TNFRSF8: variants seen among roughly 807,000 people sequenced by gnomAD.
TNFRSF8 encodes the protein TNF receptor superfamily member 8.
TNFRSF8 carries 26 observed loss-of-function variants against 70.8 expected under a neutral mutation model. That is an observed-to-expected ratio of 0.37 (90% CI 0.27 to 0.51). TNFRSF8 has a LOEUF of 0.51. Among genes scored for constraint, TNFRSF8 ranks in the 20% least tolerant of loss-of-function variants. The pLI is 0.94. For missense variants in TNFRSF8, 720 were observed against 807.9 expected (o/e 0.89, Z 1.32); for synonymous variants, 356 against 339.2 (o/e 1.05, Z -0.54).
Position 12,142,339 on chromosome 1 carries a change from T to C in TNFRSF8, c.1596T>C (p.Ala532=). Residue 532 remains alanine, a synonymous_variant, in exon 15 of 15, where the codon GCT becomes GCC. Coordinates refer to ENST00000263932, the MANE Select transcript of TNFRSF8 (RefSeq NM_001243.5). The surrounding 1 kb of genome is among the most constrained non-coding windows in gnomAD (Gnocchi z 5.0). Reference sequence around the variant, plus strand: ...CCGTGATCGTGGGGACCGTGAAGGCTGAGCTGCCGGAGGGCCGGGGCCTGG... The same window carrying C: ...CCGTGATCGTGGGGACCGTGAAGGCCGAGCTGCCGGAGGGCCGGGGCCTGG... The part of the protein sequence containing the change: ...ADTVIVGTVK[A]ELPEGRGLAG... The C allele has an allele frequency of 6.2e-7, 1 of 1,606,786 alleles. No homozygotes were observed. Among genetic ancestry groups the C allele is most frequent in the Non-Finnish European group, 8.5e-7 (1 of 1,176,782 alleles).
intron 8 of TNFRSF8, among the ~76,000 whole-genome samples, chr1:12,122,310 C>T (rs951318306): frequency 2.0e-5 from 3 of 151,808 alleles, no homozygotes; most frequent in African/African-American, 4.8e-5. Context: ...GGATTACAGG[C>T]GGGAGCCACC....
intron 4 of TNFRSF8, among the ~76,000 whole-genome samples, chr1:12,106,096 G>A (rs1017200807): frequency 3.3e-5 from 5 of 152,052 alleles, no homozygotes; most frequent in African/African-American, 9.7e-5. Context: ...TTCTTGGCGG[G>A]AGGATGAGGG....
At chr1:12,070,914 G>A (rs547346086) in intron 1 of TNFRSF8, among the ~76,000 whole-genome samples, 2 of 152,294 alleles carry the variant, frequency 1.3e-5, no homozygotes. Flanking sequence ...AGAGTCAACT[G>A]TAGAAGTCCT....
chr1:12,077,275 A>G (rs1640982205), intron 1 of TNFRSF8, among the ~76,000 whole-genome samples: 1 of 152,226 alleles, frequency 6.6e-6, no homozygotes. Context: ...ATCTTGAGAC[A>G]GGAAGATGAT....
chr1:12,129,613 T>C (rs868349701), intron 12 of TNFRSF8, among the ~76,000 whole-genome samples: 14 of 152,308 alleles, frequency 9.2e-5, no homozygotes, highest in Middle Eastern at 6.8e-3. Context: ...TCATGGATGC[T>C]CCTTGCTTTG....
Position 12,135,591 on chromosome 1 carries a change from C to G in TNFRSF8, c.1313C>G (p.Ser438Cys), listed in dbSNP as rs1204378681. Residue 438 changes from serine (S) to cysteine (C), a missense_variant, in exon 13 of 15, where the codon TCC becomes TGC. Ser to Cys is a moderately radical substitution (Grantham distance 112). Coordinates refer to ENST00000263932, the MANE Select transcript of TNFRSF8 (RefSeq NM_001243.5). ...TSQPKLELVD[S>C]RPRRSSTQLR... Reference sequence around the variant, plus strand: ...TTGCTGCTCTTGCTTTTTGCAGATTCCAGACCCAGGAGGAGCTCAACGGTA... The same window carrying G: ...TTGCTGCTCTTGCTTTTTGCAGATTGCAGACCCAGGAGGAGCTCAACGGTA... 1 of 1,614,100 alleles carries G rather than the reference C, an allele frequency of 6.2e-7. No homozygotes were observed. The highest frequency in any genetic ancestry group is 1.1e-5 in the South Asian group (1 of 91,076).
At position 12,123,764 on chromosome 1, in the gene TNFRSF8, C is replaced by T; in HGVS notation, c.1090C>T (p.Leu364=). Reference sequence around the variant, plus strand: ...GGTGGACTCCCAGGCCAGTAAGACGCTGCCCATCCCAACCAGCGCTCCCGT... The same window carrying T: ...GGTGGACTCCCAGGCCAGTAAGACGTTGCCCATCCCAACCAGCGCTCCCGT... ...LLVDSQASKT[L]PIPTSAPVAL... The change falls in exon 10 of 15, where the codon CTG becomes TTG. Residue 364 remains leucine (L), a synonymous_variant. Coordinates refer to ENST00000263932, the MANE Select transcript of TNFRSF8 (RefSeq NM_001243.5). The T allele has an allele frequency of 6.3e-7, 1 of 1,580,476 alleles. No individual in the cohort carries two copies. Among genetic ancestry groups the T allele is most frequent in the Non-Finnish European group, 8.6e-7 (1 of 1,162,738 alleles).
chr1:12,138,692 C>T lies in TNFRSF8; in HGVS notation c.1543+256C>T, dbSNP rs904204099. On this transcript the variant is annotated intron_variant, in intron 14 of 14. Transcript: ENST00000263932. The surrounding 1 kb of genome is among the most constrained non-coding windows in gnomAD (Gnocchi z 5.7). ...GTTACTCATAAAAAACGAACACCAC[C>T]CCAGCCCCCAACACCGAGCACCCGA... 9.9e-5 allele frequency among the ~76,000 whole-genome samples: 15 copies of T among 152,186 alleles called. No homozygotes were observed. The highest frequency in any genetic ancestry group is 2.9e-4 in the African/African-American group (12 of 41,434).
chr1:12,128,403 C>A (rs903499810), intron 12 of TNFRSF8, among the ~76,000 whole-genome samples: 1 of 152,220 alleles, frequency 6.6e-6, no homozygotes, highest in African/African-American at 2.4e-5. Context: ...GAGAGGCCCA[C>A]CAACCAGCCC....
chr1:12,101,650 T>C (rs1641425350), intron 3 of TNFRSF8, among the ~76,000 whole-genome samples: 1 of 151,600 alleles, frequency 6.6e-6, no homozygotes, highest in Non-Finnish European at 1.5e-5. Context: ...CACTAGGCAA[T>C]AGGAATTTTT....
At chr1:12,099,989 C>T (rs201045229) in intron 3 of TNFRSF8, among the ~76,000 whole-genome samples, 5 of 151,728 alleles carry the variant, frequency 3.3e-5, no homozygotes, top group African/African-American at 9.7e-5. Context: ...GCTAACATGG[C>T]GAAACCCCAT....
chr1:12,094,342 G>A (rs184166854), intron 2 of TNFRSF8, among the ~76,000 whole-genome samples: 319 of 152,266 alleles, frequency 2.1e-3, no homozygotes, highest in Admixed American at 3.3e-3. Flanking sequence ...AGGAGCATTC[G>A]GGGCAGAGGA....
chr1:12,122,677 C>G lies in TNFRSF8; in HGVS notation c.947-607C>G, dbSNP rs182274712. Among the ~76,000 whole-genome samples, 298 of 151,812 alleles carry G rather than the reference C, an allele frequency of 2.0e-3. 1 individual carries two copies. The highest frequency in any genetic ancestry group is 7.9e-4 in the Non-Finnish European group (54 of 67,934). ...ATTAAACATAAATAAATAAATAATT[C>G]CTTAATAAAGTTGATTTAAAAGAAA... On this transcript the variant is annotated intron_variant, in intron 8 of 14. Coordinates refer to ENST00000263932, the MANE Select transcript of TNFRSF8 (RefSeq NM_001243.5).
At position 12,142,678 on chromosome 1, in the gene TNFRSF8, G is replaced by GAGACCACCAGACCCCT; in HGVS notation, c.*147_*148insAGACCACCAGACCCCT. The GAGACCACCAGACCCCT allele has an allele frequency of 9.1e-7, 1 of 1,099,806 alleles. No homozygotes were observed. The highest frequency in any genetic ancestry group is 1.3e-6 in the Non-Finnish European group (1 of 791,676). 68.1% of individuals were successfully genotyped at this position (1,099,806 alleles called of 1,614,324 possible). A position where few individuals can be genotyped will look rare whatever the true frequency, so the allele number is the denominator to read the frequency against. On this transcript the variant is annotated 3_prime_UTR_variant, in exon 15 of 15. Transcript: ENST00000263932. The surrounding 1 kb of genome is among the most constrained non-coding windows in gnomAD (Gnocchi z 5.0). ...AGTGGTGGACCGGCCGGTCACTGCA[G>GAGACCACCAGACCCCT]GGGTCTGGTGGTCTCTGCTTGCATC...
intron 1 of TNFRSF8, among the ~76,000 whole-genome samples, chr1:12,081,776 G>A (rs1641067208): frequency 6.6e-6 from 1 of 152,132 alleles, no homozygotes; most frequent in South Asian, 2.1e-4. Context: ...GTGGAGAGAA[G>A]AGTCAGGCAG....
Position 12,110,192 on chromosome 1 carries a change from A to G in TNFRSF8, c.664A>G (p.Ser222Gly), listed in dbSNP as rs781416004. ...CTCTCCCTCCTCTGTGGGAAGGCCT[A>G]GTTCAGATCCAGGTAATTTCCCCAT... ...PDSPSSVGRP[S>G]SDPGLSPTQP... Residue 222 changes from serine to glycine, a missense_variant, in exon 6 of 15, where the codon AGT (serine) becomes GGT (glycine). Physicochemically the swap from Ser to Gly is moderately conservative, Grantham distance 56. Coordinates refer to ENST00000263932, the MANE Select transcript of TNFRSF8 (RefSeq NM_001243.5). The surrounding 1 kb of genome is among the most constrained non-coding windows in gnomAD (Gnocchi z 4.0). 6.3e-7 allele frequency: 1 copy of G among 1,590,686 alleles called. No homozygotes were observed. Among genetic ancestry groups the G allele is most frequent in the Admixed American group, 1.8e-5 (1 of 56,872 alleles).
chr1:12,126,286 G>A, intron 12 of TNFRSF8, 50 bp downstream of exon 12: 1 of 1,609,894 alleles, frequency 6.2e-7, no homozygotes, highest in African/African-American at 1.3e-5. Context: ...GGAACACAGG[G>A]CAGCTCTGGG....
intron 4 of TNFRSF8, among the ~76,000 whole-genome samples, chr1:12,105,535 TCTCTCTC>T (rs2100997163): frequency 7.3e-6 from 1 of 137,092 alleles, no homozygotes; most frequent in African/African-American, 2.9e-5. Flanking sequence ...ATCCTCTCTC[TCTCTCTC>T]TCTCTCTCAC....
Position 12,097,169 on chromosome 1 carries a change from T to C in TNFRSF8, c.220T>C (p.Tyr74His). The C allele has an allele frequency of 6.2e-7, 1 of 1,614,084 alleles. No individual in the cohort carries two copies. Among genetic ancestry groups the C allele is most frequent in the Non-Finnish European group, 8.5e-7 (1 of 1,179,952 alleles). ...CAGGAAGCAGTGTGAGCCTGACTAC[T>C]ACCTGGATGAGGCCGACCGCTGTAC... ...DCRKQCEPDY[Y>H]LDEADRCTAC... Residue 74 changes from tyrosine (Y) to histidine (H), a missense_variant, in exon 3 of 15, where the codon TAC (tyrosine) becomes CAC (histidine). Coordinates refer to ENST00000263932, the MANE Select transcript of TNFRSF8 (RefSeq NM_001243.5).
Sources: gnomAD v4.1 joint callset for allele counts (sites outside exome capture counted in the v4.1 genomes callset) on GRCh38, gnomAD v4.1.1 for gene constraint, Gnocchi (gnomAD v3.1) non-coding constraint, MANE v1.5 for transcripts, NCBI Gene and HGNC (gene_info 2026-07-23, HGNC 2026-07-21) for gene names.